Variants in ALOX12B observed in about 807,000 individuals in gnomAD.
ALOX12B encodes arachidonate 12-lipoxygenase, 12R type.
A neutral mutation model predicts 78.9 loss-of-function variants in ALOX12B; 47 were observed. That is an observed-to-expected ratio of 0.60 (90% confidence interval 0.47 to 0.76). The LOEUF (loss-of-function observed/expected upper bound fraction) is 0.76, where lower values mean the gene tolerates loss of function less well. Ranked by LOEUF, ALOX12B falls within the 30% of genes least tolerant of loss-of-function variation. ALOX12B has a pLI of 0.00. For missense variants in ALOX12B, 805 were observed against 922.6 expected, an observed-to-expected ratio of 0.87 and a Z score of 1.65; for synonymous variants, 370 against 374.5, an observed-to-expected ratio of 0.99 and a Z score of 0.14.
At position 8,076,241 on chromosome 17, in the gene ALOX12B, C is replaced by G. The variant is rs1315990715; in HGVS notation, c.1466G>C (p.Gly489Ala). The G allele has an allele frequency of 3.7e-6, 6 of 1,614,166 alleles. No homozygotes were observed. Among genetic ancestry groups the G allele is most frequent in the Non-Finnish European group, 5.1e-6 (6 of 1,180,018 alleles). The change falls in exon 11 of 15, where the codon GGG becomes GCG. Residue 489 changes from glycine to alanine, a missense_variant. Transcript: ENST00000647874. ...GTAATATCCAGGCAGGTCCTGGACC[C>G]CACGCTCCACAAAGTCATTGGGGAG... ...LYLPNDFVER[G>A]VQDLPGYYYR... is the part of the protein sequence containing the mutation.
At chr17:8,086,318 C>T (rs554856768) in intron 1 of ALOX12B, 98 bp from the exon 2 acceptor site, 16 of 1,224,638 alleles carry the variant, frequency 1.3e-5, no homozygotes, top group African/African-American at 9.0e-5. Flanking sequence ...GCTCATGCTG[C>T]GCAATGCTCA....
Position 8,077,584 on chromosome 17 carries a change from C to A in ALOX12B, c.1072-391G>T, listed in dbSNP as rs6503076. Reference sequence around the variant, plus strand: ...GGCAGATCACTGAAATCAGCCTACGCTATTCCATTAAGGAGCCAGGAGCAT... The same window carrying A: ...GGCAGATCACTGAAATCAGCCTACGATATTCCATTAAGGAGCCAGGAGCAT... On this transcript the variant is annotated intron_variant, in intron 8 of 14. Transcript: ENST00000647874. 1.1e-4 allele frequency among the ~76,000 whole-genome samples: 16 copies of A among 152,168 alleles called. 3 individuals carry two copies. The highest frequency in any genetic ancestry group is 3.9e-4 in the East Asian group (2 of 5,176).
chr17:8,076,041 C>G, intron 11 of ALOX12B, 134 bp downstream of exon 11: 1 of 1,222,342 alleles, frequency 8.2e-7, no homozygotes. Flanking sequence ...ACACACAGAC[C>G]CCAGGCCCCT....
intron 3 of ALOX12B, 57 bp downstream of exon 3, chr17:8,081,049 C>T (rs984438359): frequency 1.8e-5 from 29 of 1,611,210 alleles, no homozygotes; most frequent in Non-Finnish European, 2.2e-5. Flanking sequence ...GCCATCACTG[C>T]CCCCCACCTC....
At chr17:8,078,640 G>A (rs1977139337) in intron 8 of ALOX12B, among the ~76,000 whole-genome samples, 1 of 152,114 alleles carries the variant, frequency 6.6e-6, no homozygotes, top group Non-Finnish European at 1.5e-5. Context: ...GCTGAGCAGC[G>A]CACTTTGTAC....
Position 8,081,290 on chromosome 17 carries a change from C to T in ALOX12B, c.353-103G>A, listed in dbSNP as rs942877804. ...GTGCCCCAGGTCGTCTCTGGGGGGG[C>T]CCATGACCAAGGAGTGGGAAGGCTC... On this transcript the variant is annotated intron_variant, in intron 2 of 14. Coordinates refer to ENST00000647874, the MANE Select transcript of ALOX12B (RefSeq NM_001139.3). 1.0e-4 allele frequency: 123 copies of T among 1,193,886 alleles called. No individual in the cohort carries two copies. The East Asian group carries it at 3.0e-3, about 29-fold the overall frequency. 74.0% of individuals were successfully genotyped at this position (1,193,886 alleles called of 1,614,324 possible). A position where few individuals can be genotyped will look rare whatever the true frequency, so the allele number is the denominator to read the frequency against.
At chr17:8,081,261 T>G in intron 2 of ALOX12B, 74 bp from the exon 3 acceptor site, 1 of 1,500,890 alleles carries the variant, frequency 6.7e-7, no homozygotes. Flanking sequence ...GGAGTTCAGC[T>G]TCTGTGCCCC....
chr17:8,081,158 C>G lies in ALOX12B; in HGVS notation c.382G>C (p.Val128Leu). 1 of 1,613,910 alleles carries G rather than the reference C, an allele frequency of 6.2e-7. No individual in the cohort carries two copies. The highest frequency in any genetic ancestry group is 1.1e-5 in the South Asian group (1 of 91,076). ...TCCTCTTTTCTGTGCTCCAGGAGGA[C>G]GGGGAGCGAGTCATCTGCTGTTGTC... The part of the protein sequence containing the change: ...GKTTADDSLP[V>L]LLEHRKEEIR... Residue 128 changes from valine to leucine, a missense_variant, in exon 3 of 15, where the codon GTC (valine) becomes CTC (leucine). Physicochemically the swap from Val to Leu is conservative, Grantham distance 32. Coordinates refer to ENST00000647874, the MANE Select transcript of ALOX12B (RefSeq NM_001139.3).
At chr17:8,084,559 G>C (rs1482836741) in intron 2 of ALOX12B, among the ~76,000 whole-genome samples, 1 of 152,174 alleles carries the variant, frequency 6.6e-6, no homozygotes, top group Non-Finnish European at 1.5e-5. Context: ...ATGTCACCCA[G>C]ACCTGTCACT....
Position 8,087,288 on chromosome 17 carries a change from A to G in ALOX12B, c.147+8T>C, listed in dbSNP as rs373326912. On this transcript the variant is annotated splice_region_variant and intron_variant, in intron 1 of 14. Coordinates refer to ENST00000647874, the MANE Select transcript of ALOX12B (RefSeq NM_001139.3). ...CACACACACACACACACACACACAC[A>G]CTCTTACCGCCCCAGTTGCAAAGTC... The G allele has an allele frequency of 2.0e-5, 32 of 1,608,218 alleles. No individual in the cohort carries two copies. In the African/African-American group the frequency reaches 4.2e-4, roughly 21 times the overall value.
At chr17:8,084,982 A>T (rs923211848) in intron 2 of ALOX12B, among the ~76,000 whole-genome samples, 1 of 152,190 alleles carries the variant, frequency 6.6e-6, no homozygotes, top group African/African-American at 2.4e-5. Flanking sequence ...TAACCAAGCA[A>T]GTGGAAAACC....
At position 8,073,651 on chromosome 17, in the gene ALOX12B, C is replaced by T. The variant is rs377369375; in HGVS notation, c.1755+6G>A. On this transcript the variant is annotated splice_donor_region_variant and intron_variant, in intron 13 of 14. Transcript: ENST00000647874. The stretch of plus-strand genomic sequence containing the variant: ...GCTGGGCCTGGGTTGGTGAGACCAC[C>T]GGTACCTGGCCTGTGTTGACAGCAG... 24 of 1,613,496 alleles carry T rather than the reference C, an allele frequency of 1.5e-5. No individual in the cohort carries two copies. The highest frequency in any genetic ancestry group is 2.7e-5 in the African/African-American group (2 of 74,898).
chr17:8,087,227 GACAC>G (rs1163288896), intron 1 of ALOX12B, 65 bp downstream of exon 1: 4 of 1,431,948 alleles, frequency 2.8e-6, no homozygotes, highest in Non-Finnish European at 3.8e-6. Flanking sequence ...GACACACACA[GACAC>G]ACACAGACAC....
In ALOX12B at chr17:8,079,976, C is replaced by G; in HGVS notation, c.755-35G>C. The G allele has an allele frequency of 6.2e-7, 1 of 1,600,816 alleles. No individual in the cohort carries two copies. Among genetic ancestry groups the G allele is most frequent in the East Asian group, 2.3e-5 (1 of 44,344 alleles). ...CGGCGCGAGGGCGTCACAAGGAGGC[C>G]CGGCCCCCCTCGGGGACGGAGAGGC... is the stretch of plus-strand genomic sequence containing the variant. On this transcript the variant is annotated intron_variant, in intron 6 of 14. Coordinates refer to ENST00000647874, the MANE Select transcript of ALOX12B (RefSeq NM_001139.3). This position sits in a 1 kb window ranked among gnomAD's most constrained non-coding sequence, Gnocchi z 6.4.
Position 8,073,324 on chromosome 17 carries a change from G to A in ALOX12B, c.1756-6C>T. 1 of 1,614,180 alleles carries A rather than the reference G, an allele frequency of 6.2e-7. No individual in the cohort carries two copies. Among genetic ancestry groups the A allele is most frequent in the Non-Finnish European group, 8.5e-7 (1 of 1,180,038 alleles). ...ATCCAGGCGGTGAACTCCATCTGGAGGTGGGATAGAGGCGCGGGTCTGGGT... is the reference window on the plus strand; with the variant it reads ...ATCCAGGCGGTGAACTCCATCTGGAAGTGGGATAGAGGCGCGGGTCTGGGT... On this transcript the variant is annotated splice_region_variant and splice_polypyrimidine_tract_variant and intron_variant, in intron 13 of 14. Transcript: ENST00000647874.
intron 1 of ALOX12B, 26 bp from the exon 2 acceptor site, chr17:8,086,246 G>A: frequency 6.2e-7 from 1 of 1,610,902 alleles, no homozygotes; most frequent in Non-Finnish European, 8.5e-7. Flanking sequence ...GCCTGGCTGA[G>A]TGGGCAGGAC....
Position 8,075,707 on chromosome 17 carries a change from C to T in ALOX12B, c.1542G>A (p.Thr514=), listed in dbSNP as rs201784530. The T allele has an allele frequency of 1.7e-5, 28 of 1,614,038 alleles. No individual in the cohort carries two copies. The highest frequency in any genetic ancestry group is 2.2e-5 in the East Asian group (1 of 44,886). Residue 514 remains threonine, a synonymous_variant, in exon 12 of 15, where the codon ACG becomes ACA. Coordinates refer to ENST00000647874, the MANE Select transcript of ALOX12B (RefSeq NM_001139.3). ...AVWNALEKYV[T]EIITYYYPSD... ...TCGGGTAATAATAGGTGATGATCTCCGTCACATACCTGACCAGGGGACAGG... is the reference window on the plus strand; with the variant it reads ...TCGGGTAATAATAGGTGATGATCTCTGTCACATACCTGACCAGGGGACAGG...
At chr17:8,082,986 CTGTT>C (rs751686711) in intron 2 of ALOX12B, among the ~76,000 whole-genome samples, 6 of 152,196 alleles carry the variant, frequency 3.9e-5, no homozygotes, top group African/African-American at 7.2e-5. Context: ...TCAAGTTTGT[CTGTT>C]TGTTCCACAA....
intron 13 of ALOX12B, 143 bp from the exon 14 acceptor site, chr17:8,073,461 G>C: frequency 1.6e-6 from 2 of 1,217,932 alleles, no homozygotes; most frequent in Non-Finnish European, 2.4e-6. Flanking sequence ...GGTTAGACTG[G>C]GGGTGGGGCT....
Sources: allele counts gnomAD v4.1 joint callset (sites outside exome capture counted in the v4.1 genomes callset), GRCh38; gene constraint gnomAD v4.1.1; non-coding constraint Gnocchi (gnomAD v3.1); transcripts MANE v1.5; gene names NCBI Gene and HGNC (gene_info 2026-07-23, HGNC 2026-07-21).